PVT1: variants seen among roughly 807,000 people sequenced by gnomAD.
PVT1 encodes Pvt1 oncogene.
At chr8:127,837,826 T>C (rs935029257) in intron 2 of PVT1, among the ~76,000 whole-genome samples, 6 of 152,310 alleles carry the variant, frequency 3.9e-5, no homozygotes, top group African/African-American at 1.4e-4. Context: ...GCCTATGTAC[T>C]GCTTCCTTGA....
At chr8:127,840,750 C>T (rs1310289250) in intron 2 of PVT1, among the ~76,000 whole-genome samples, 1 of 151,972 alleles carries the variant, frequency 6.6e-6, no homozygotes, top group African/African-American at 2.4e-5. Flanking sequence ...TGGCACCGAA[C>T]TGGTCCTGCC....
At chr8:127,976,478 A>G (rs1181986678) in intron 3 of PVT1, among the ~76,000 whole-genome samples, 1 of 152,198 alleles carries the variant, frequency 6.6e-6, no homozygotes, top group Admixed American at 6.5e-5. Context: ...TGATAAAAAT[A>G]GGGTTATAGT....
intron 2 of PVT1, among the ~76,000 whole-genome samples, chr8:127,875,305 T>C (rs2129776316): frequency 6.6e-6 from 1 of 151,966 alleles, no homozygotes; most frequent in South Asian, 2.1e-4. Context: ...GGGAGAGGTG[T>C]GTGTCCTCTC....
intron 3 of PVT1, among the ~76,000 whole-genome samples, chr8:127,942,751 C>T (rs1466876046): frequency 6.6e-6 from 1 of 152,178 alleles, no homozygotes; most frequent in Non-Finnish European, 1.5e-5. Context: ...TATTTTCTTT[C>T]AGTGGGAAAG....
intron 2 of PVT1, among the ~76,000 whole-genome samples, chr8:127,858,802 A>ATTTTTTTTTT (rs1442302514): frequency 4.4e-4 from 17 of 38,340 alleles, no homozygotes; most frequent in Non-Finnish European, 7.6e-4. Context: ...ACACTTGAAG[A>ATTTTTTTTTT]TTCTTTTTTT....
At chr8:127,821,387 C>T (rs1814727308) in intron 2 of PVT1, among the ~76,000 whole-genome samples, 2 of 152,086 alleles carry the variant, frequency 1.3e-5, no homozygotes, top group South Asian at 4.1e-4. Context: ...AGAAAAAATT[C>T]ATAACAACTT....
chr8:127,882,781 C>A (rs1033405539), intron 2 of PVT1, among the ~76,000 whole-genome samples: 1 of 152,160 alleles, frequency 6.6e-6, no homozygotes, highest in African/African-American at 2.4e-5. Context: ...CCACACCCAG[C>A]CAGTTTTGAA....
chr8:127,992,175 C>T (rs892726486), intron 4 of PVT1, among the ~76,000 whole-genome samples: 2 of 151,982 alleles, frequency 1.3e-5, no homozygotes, highest in Non-Finnish European at 2.9e-5. Flanking sequence ...CACTTGAGGC[C>T]AGGAGTTCGA....
intron 4 of PVT1, among the ~76,000 whole-genome samples, chr8:127,993,226 T>A (rs922423209): frequency 1.3e-5 from 2 of 152,190 alleles, no homozygotes; most frequent in African/African-American, 4.8e-5. Context: ...GTGCCCAACT[T>A]TTTTTCTTCT....
intron 2 of PVT1, among the ~76,000 whole-genome samples, chr8:127,843,253 G>C (rs749282768): frequency 2.0e-5 from 3 of 151,224 alleles, no homozygotes. Context: ...CTACTCAGGA[G>C]GGAACTGCTT....
At chr8:128,035,138 G>A (rs1813445705) in intron 4 of PVT1, among the ~76,000 whole-genome samples, 1 of 152,176 alleles carries the variant, frequency 6.6e-6, no homozygotes, top group Non-Finnish European at 1.5e-5. Context: ...CTGTCATGCA[G>A]GAAAAGTGCC....
chr8:128,032,110 C>T (rs193223775), intron 4 of PVT1, among the ~76,000 whole-genome samples: 22 of 152,208 alleles, frequency 1.4e-4, no homozygotes, highest in East Asian at 7.7e-4. Flanking sequence ...GCCTTGGAGG[C>T]GGAATCATTT....
intron 4 of PVT1, among the ~76,000 whole-genome samples, chr8:128,035,035 G>T (rs1813444430): frequency 6.6e-6 from 1 of 152,226 alleles, no homozygotes. Flanking sequence ...ACTGTTCATA[G>T]TATCACAAGG....
chr8:127,812,431 A>G (rs1379799080), intron 2 of PVT1, among the ~76,000 whole-genome samples: 1 of 151,964 alleles, frequency 6.6e-6, no homozygotes, highest in Non-Finnish European at 1.5e-5. Context: ...TTAATTAGCC[A>G]GTGGCATGCA....
chr8:127,992,270 T>C (rs1444560586), intron 4 of PVT1, among the ~76,000 whole-genome samples: 1 of 152,090 alleles, frequency 6.6e-6, no homozygotes, highest in African/African-American at 2.4e-5. Context: ...CCTGTAATCC[T>C]AGCTACTTGG....
At chr8:128,002,012 T>C (rs1817183073) in intron 4 of PVT1, among the ~76,000 whole-genome samples, 1 of 152,134 alleles carries the variant, frequency 6.6e-6, no homozygotes. Flanking sequence ...CTGTAGCAGC[T>C]CCCCAGCACA....
rs144347710 is a variant in PVT1, at chr8:127,905,953, G to A, written n.782+14955G>A. Among the ~76,000 whole-genome samples the A allele has an allele frequency of 7.6e-3, 1,158 of 152,304 alleles. 12 individuals are homozygous for A. Among genetic ancestry groups the A allele is most frequent in the Non-Finnish European group, 9.1e-3 (616 of 68,014 alleles). ...TCGGTTTCCCCATCTGTAAAATGGG[G>A]CTATACTAGTTGCTCTGTGTAGGAA... On this transcript the variant is annotated intron_variant and non_coding_transcript_variant, in intron 3 of 10. Coordinates refer to ENST00000651587, the Ensembl canonical transcript of PVT1.
At chr8:127,860,634 A>G (rs545899475) in intron 2 of PVT1, among the ~76,000 whole-genome samples, 3 of 152,068 alleles carry the variant, frequency 2.0e-5, no homozygotes, top group Non-Finnish European at 4.4e-5. Flanking sequence ...GCGTGGTGGC[A>G]CGTGCCTGTA....
At chr8:128,002,819 C>T (rs1160497787) in intron 4 of PVT1, among the ~76,000 whole-genome samples, 1 of 152,190 alleles carries the variant, frequency 6.6e-6, no homozygotes. Context: ...CTTCTGGGGA[C>T]ACAGTTAAAC....
Sources: gnomAD v4.1 joint callset for allele counts (sites outside exome capture counted in the v4.1 genomes callset) on GRCh38, gnomAD v4.1.1 for gene constraint, MANE v1.5 for transcripts, NCBI Gene and HGNC (gene_info 2026-07-23, HGNC 2026-07-21) for gene names.